The following UBE2E2 variants were observed in gnomAD, a reference collection of about 807,000 sequenced individuals.
The protein encoded by UBE2E2 is ubiquitin conjugating enzyme E2 E2.
Under a neutral mutation model 24.7 loss-of-function variants are expected in UBE2E2, and 6 were observed. That is an observed-to-expected ratio of 0.24 (90% CI 0.13 to 0.48). The LOEUF is 0.48. Among genes scored for constraint, UBE2E2 ranks in the 20% least tolerant of loss-of-function variants. The probability of loss-of-function intolerance (pLI) is 0.99; values close to 1 mark genes in which losing one functional copy is unlikely to be tolerated. For missense variants in UBE2E2, 169 were observed against 245.0 expected, an observed-to-expected ratio of 0.69 and a Z score of 2.07; for synonymous variants, 104 against 83.6, an observed-to-expected ratio of 1.24 and a Z score of -1.33.
At chr3:23,483,165 A>C (rs144188834) in intron 3 of UBE2E2, among the ~76,000 whole-genome samples, 1 of 152,182 alleles carries the variant, frequency 6.6e-6, no homozygotes, top group African/African-American at 2.4e-5. Context: ...CCTTGCTGTC[A>C]GAGTGTTGCA....
chr3:23,363,479 A>G lies in UBE2E2; in HGVS notation c.228-136129A>G, dbSNP rs1361750206. 2.0e-5 allele frequency among the ~76,000 whole-genome samples: 3 copies of G among 152,236 alleles called. No homozygotes were observed. The East Asian group carries it at 5.8e-4, about 29-fold the overall frequency. ...ATTGCCCAAGCAAATGGAAAACAGAAAAAAGGAGGGGTTGGCATTCTACTT... is the reference window on the plus strand; with the variant it reads ...ATTGCCCAAGCAAATGGAAAACAGAGAAAAGGAGGGGTTGGCATTCTACTT... On this transcript the variant is annotated intron_variant, in intron 3 of 5. Coordinates refer to ENST00000396703, the MANE Select transcript of UBE2E2 (RefSeq NM_152653.4).
At chr3:23,396,111 ATATT>A (rs1274086595) in intron 3 of UBE2E2, among the ~76,000 whole-genome samples, 3 of 151,524 alleles carry the variant, frequency 2.0e-5, no homozygotes, top group Non-Finnish European at 2.9e-5. Flanking sequence ...TGCATTTTCT[ATATT>A]TAGTTATTTC....
chr3:23,416,161 T>G (rs542768317), intron 3 of UBE2E2, among the ~76,000 whole-genome samples: 86 of 152,356 alleles, frequency 5.6e-4, no homozygotes, highest in African/African-American at 2.0e-3. Context: ...GCATTTGGGT[T>G]AGTTCCAAGT....
chr3:23,494,081 T>A (rs2125451576), intron 3 of UBE2E2, among the ~76,000 whole-genome samples: 1 of 152,374 alleles, frequency 6.6e-6, no homozygotes, highest in African/African-American at 2.4e-5. Flanking sequence ...GACAACTTAG[T>A]CTGACTCCAG....
rs557734900 is a variant in UBE2E2, at chr3:23,249,695, G to A, written c.227+32383G>A. Among the ~76,000 whole-genome samples, 276 of 150,860 alleles carry A rather than the reference G, an allele frequency of 1.8e-3. 2 individuals are homozygous for A. Among genetic ancestry groups the A allele is most frequent in the Non-Finnish European group, 3.3e-3 (221 of 67,876 alleles). On this transcript the variant is annotated intron_variant, in intron 3 of 5. Transcript: ENST00000396703. ...TTTTGAGATGGAGTCTTGCTCTTTC[G>A]CGCAGACTGGAGTGCAGTGGCATGA...
intron 3 of UBE2E2, among the ~76,000 whole-genome samples, chr3:23,399,504 G>A (rs183458210): frequency 6.6e-6 from 1 of 152,134 alleles, no homozygotes; most frequent in Non-Finnish European, 1.5e-5. Context: ...GTGCAGTTAG[G>A]TTGGTACAAA....
At chr3:23,327,266 TTG>T (rs900107904) in intron 3 of UBE2E2, among the ~76,000 whole-genome samples, 21 of 152,328 alleles carry the variant, frequency 1.4e-4, no homozygotes, top group Admixed American at 5.2e-4. Flanking sequence ...TCCACAATGG[TTG>T]AACTAGTTTA....
intron 3 of UBE2E2, among the ~76,000 whole-genome samples, chr3:23,484,473 G>T (rs1387359648): frequency 1.3e-5 from 2 of 152,048 alleles, no homozygotes; most frequent in Non-Finnish European, 2.9e-5. Context: ...GGTTCCCATA[G>T]CATCTTGATT....
At chr3:23,424,177 A>G (rs1447594513) in intron 3 of UBE2E2, among the ~76,000 whole-genome samples, 2 of 152,210 alleles carry the variant, frequency 1.3e-5, no homozygotes, top group Non-Finnish European at 2.9e-5. Context: ...ATAAGATATA[A>G]ATGTTTAAGG....
chr3:23,347,776 A>T (rs1695607004), intron 3 of UBE2E2, among the ~76,000 whole-genome samples: 1 of 152,166 alleles, frequency 6.6e-6, no homozygotes, highest in Non-Finnish European at 1.5e-5. Flanking sequence ...CCTCTCACCA[A>T]CTACTACTTC....
At chr3:23,353,150 A>G (rs1695815243) in intron 3 of UBE2E2, among the ~76,000 whole-genome samples, 1 of 152,230 alleles carries the variant, frequency 6.6e-6, no homozygotes, top group Non-Finnish European at 1.5e-5. Flanking sequence ...GATTATCTCA[A>G]TATATGCAGA....
intron 3 of UBE2E2, among the ~76,000 whole-genome samples, chr3:23,317,190 G>A (rs1694606040): frequency 6.6e-6 from 1 of 152,098 alleles, no homozygotes. Context: ...CCTAGGAATT[G>A]TTGTCCTTGT....
chr3:23,571,996 G>C (rs1243025209), intron 5 of UBE2E2, among the ~76,000 whole-genome samples: 1 of 152,180 alleles, frequency 6.6e-6, no homozygotes, highest in Non-Finnish European at 1.5e-5. Context: ...AATAAGTCCT[G>C]AGGGAGATAT....
At chr3:23,571,243 CTT>C (rs1482645590) in intron 5 of UBE2E2, among the ~76,000 whole-genome samples, 3 of 138,108 alleles carry the variant, frequency 2.2e-5, no homozygotes, top group African/African-American at 8.1e-5. Context: ...CTAAGAATCT[CTT>C]TGCTATCAGA....
Position 23,589,909 on chromosome 3 carries a change from A to G in UBE2E2, c.*78A>G, listed in dbSNP as rs539592585. On this transcript the variant is annotated 3_prime_UTR_variant, in exon 6 of 6. Transcript: ENST00000396703. The surrounding 1 kb of genome is among the most constrained non-coding windows in gnomAD (Gnocchi z 4.1). ...CATCGGTAGCCCTGCCCACCCCTCC[A>G]GACCTCGGTTCTTATTTTCCTATTT... 1.5e-6 allele frequency: 2 copies of G among 1,356,176 alleles called. No homozygotes were observed. Among genetic ancestry groups the G allele is most frequent in the Non-Finnish European group, 2.1e-6 (2 of 963,912 alleles). 84.0% of individuals were successfully genotyped at this position (1,356,176 alleles called of 1,614,324 possible).
At chr3:23,293,487 C>T (rs1277878744) in intron 3 of UBE2E2, among the ~76,000 whole-genome samples, 1 of 152,134 alleles carries the variant, frequency 6.6e-6, no homozygotes, top group African/African-American at 2.4e-5. Flanking sequence ...TGTAGCCCAA[C>T]TTCATAGTTT....
chr3:23,338,147 T>C (rs1695264015), intron 3 of UBE2E2, among the ~76,000 whole-genome samples: 1 of 152,192 alleles, frequency 6.6e-6, no homozygotes, highest in Non-Finnish European at 1.5e-5. Context: ...TTCCAGTGGT[T>C]GTATTTGTGT....
intron 3 of UBE2E2, among the ~76,000 whole-genome samples, chr3:23,296,436 G>C (rs1450391086): frequency 1.3e-5 from 2 of 152,004 alleles, no homozygotes; most frequent in Admixed American, 6.5e-5. Context: ...TTTACCATTA[G>C]GTATATCTCC....
chr3:23,505,460 A>G (rs1006587362), intron 4 of UBE2E2, among the ~76,000 whole-genome samples: 6 of 152,208 alleles, frequency 3.9e-5, no homozygotes, highest in African/African-American at 1.4e-4. Flanking sequence ...ACTTATGCAC[A>G]GGTTAGACAT....
Sources: allele counts gnomAD v4.1 joint callset (sites outside exome capture counted in the v4.1 genomes callset), GRCh38; gene constraint gnomAD v4.1.1; non-coding constraint Gnocchi (gnomAD v3.1); transcripts MANE v1.5; gene names NCBI Gene and HGNC (gene_info 2026-07-23, HGNC 2026-07-21).